CCNL1: variants seen among roughly 807,000 people sequenced by gnomAD.
CCNL1 encodes cyclin L1.
In CCNL1, 13 loss-of-function variants were observed where a neutral mutation model predicts 60.6. That is an observed-to-expected ratio of 0.21 (90% CI 0.14 to 0.34). The LOEUF (loss-of-function observed/expected upper bound fraction) is 0.34, where lower values mean the gene tolerates loss of function less well. Ranked by LOEUF, CCNL1 falls within the 10% of genes least tolerant of loss-of-function variation. The pLI is 1.00. For synonymous variants in CCNL1, 270 were observed against 244.3 expected (o/e 1.10, Z -0.98); for missense variants, 481 against 664.3 (o/e 0.72, Z 3.03).
chr3:157,149,987 G>GAAAAAAAAA lies in CCNL1; in HGVS notation c.880-11_880-10insTTTTTTTTT. On this transcript the variant is annotated splice_polypyrimidine_tract_variant and intron_variant, in intron 7 of 10. Coordinates refer to ENST00000295926, the MANE Select transcript of CCNL1 (RefSeq NM_020307.4). ...GTAATTCATAGTTTGGCTGTTGGAG[G>GAAAAAAAAA]AAAAAAAAGTTAGTATTTCTTCCTT... is the stretch of plus-strand genomic sequence containing the variant. 2 of 1,600,876 alleles carry GAAAAAAAAA rather than the reference G, an allele frequency of 1.2e-6. No individual in the cohort carries two copies. The highest frequency in any genetic ancestry group is 3.5e-5 in the Admixed American group (2 of 57,480).
At chr3:157,156,010 A>G (rs910204692) in intron 3 of CCNL1, among the ~76,000 whole-genome samples, 2 of 152,184 alleles carry the variant, frequency 1.3e-5, no homozygotes, top group Non-Finnish European at 1.5e-5. Flanking sequence ...GAAGTTTATT[A>G]TTATGGTTTG....
chr3:157,159,585 G>A (rs940090180), intron 1 of CCNL1, 106 bp from the exon 2 acceptor site: 1 of 1,145,024 alleles, frequency 8.7e-7, no homozygotes, highest in East Asian at 2.6e-5. Flanking sequence ...TCCCGCCGCC[G>A]CCGCCGCTGC....
intron 1 of CCNL1, 51 bp downstream of exon 1, chr3:157,159,741 G>A (rs12635088): frequency 0.25 from 350,518 of 1,416,122 alleles, 45,776 homozygotes; most frequent in Admixed American, 0.45. Context: ...CGGCGTAGGG[G>A]ACGGAGGAGA....
chr3:157,149,257 G>C, intron 10 of CCNL1, 30 bp downstream of exon 10: 2 of 1,503,736 alleles, frequency 1.3e-6, no homozygotes, highest in Non-Finnish European at 1.9e-6. Flanking sequence ...CTCCAAATAA[G>C]ACTGCTTCCC....
chr3:157,154,916 A>C (rs11915720), intron 3 of CCNL1, among the ~76,000 whole-genome samples: 8,322 of 151,220 alleles, frequency 0.055, 664 homozygotes, highest in African/African-American at 0.18. Flanking sequence ...AAAACAACCT[A>C]TCTCTCTCTC....
At chr3:157,146,980 A>AT (rs1737807274), downstream of CCNL1, among the ~76,000 whole-genome samples, 1 of 152,112 alleles carries the variant, frequency 6.6e-6, no homozygotes, top group South Asian at 2.1e-4. Context: ...TTGTGAAGCT[A>AT]TTTTTTCCAG....
downstream of CCNL1, among the ~76,000 whole-genome samples, chr3:157,145,194 T>C (rs1272291575): frequency 2.0e-5 from 3 of 151,972 alleles, no homozygotes; most frequent in African/African-American, 7.2e-5. Flanking sequence ...CCCAGCCCTT[T>C]GGGAGGCAAG....
At chr3:157,157,779 G>C (rs1381273650) in intron 3 of CCNL1, among the ~76,000 whole-genome samples, 1 of 152,108 alleles carries the variant, frequency 6.6e-6, no homozygotes, top group African/African-American at 2.4e-5. Context: ...TTTTAAAAAA[G>C]AACTGTCTGT....
chr3:157,160,037 G>T lies in CCNL1; in HGVS notation c.58C>A (p.Pro20Thr). ...TAAAAASSAA[P>T]SAGGSSSGTT... ...CCGGAGCTGGAGCCGCCCGCGCTTGGGGCGGCCGATGAGGCGGCTGCGGCA... is the reference window on the plus strand; with the variant it reads ...CCGGAGCTGGAGCCGCCCGCGCTTGTGGCGGCCGATGAGGCGGCTGCGGCA... Residue 20 changes from proline to threonine, a missense_variant, in exon 1 of 11, where the codon CCA (proline) becomes ACA (threonine). Physicochemically the swap from Pro to Thr is conservative, Grantham distance 38. Coordinates refer to ENST00000295926, the MANE Select transcript of CCNL1 (RefSeq NM_020307.4). 6.4e-7 allele frequency: 1 copy of T among 1,566,756 alleles called. No homozygotes were observed. Among genetic ancestry groups the T allele is most frequent in the East Asian group, 2.4e-5 (1 of 42,220 alleles).
chr3:157,149,193 C>G, intron 10 of CCNL1, 94 bp downstream of exon 10: 1 of 1,038,656 alleles, frequency 9.6e-7, no homozygotes, highest in Non-Finnish European at 1.4e-6. Context: ...TCTAACCTAA[C>G]TTTGAAAATA....
At chr3:157,158,318 A>C (rs1738784086) in intron 3 of CCNL1, among the ~76,000 whole-genome samples, 1 of 152,250 alleles carries the variant, frequency 6.6e-6, no homozygotes, top group Non-Finnish European at 1.5e-5. Context: ...CTTTGACTTC[A>C]AACTTCAAAC....
Position 157,149,987 on chromosome 3 carries a change from G to GA in CCNL1, c.880-11dup, listed in dbSNP as rs61216814. The stretch of plus-strand genomic sequence containing the variant: ...GTAATTCATAGTTTGGCTGTTGGAG[G>GA]AAAAAAAAGTTAGTATTTCTTCCTT... On this transcript the variant is annotated splice_polypyrimidine_tract_variant and intron_variant, in intron 7 of 10. Coordinates refer to ENST00000295926, the MANE Select transcript of CCNL1 (RefSeq NM_020307.4). 1,073 of 1,599,014 alleles carry GA rather than the reference G, an allele frequency of 6.7e-4. 10 individuals are homozygous for GA. In the African/African-American group the frequency reaches 0.01, roughly 15 times the overall value.
intron 4 of CCNL1, chr3:157,152,821 ATTAAGAT>A: frequency 7.7e-7 from 1 of 1,301,466 alleles, no homozygotes; most frequent in South Asian, 1.9e-5. Context: ...TGAGCACACA[ATTAAGAT>A]TTAAGATTTG....
At position 157,148,071 on chromosome 3, in the gene CCNL1, A is replaced by G; in HGVS notation, c.*170T>C. ...GCTAGGGCATTTTAATGTGCAAAAAAATTAACATAGTTCTTTTCAAAAGAA... is the reference window on the plus strand; with the variant it reads ...GCTAGGGCATTTTAATGTGCAAAAAGATTAACATAGTTCTTTTCAAAAGAA... On this transcript the variant is annotated 3_prime_UTR_variant, in exon 11 of 11. Transcript: ENST00000295926. The G allele has an allele frequency of 7.2e-7, 1 of 1,387,002 alleles. No individual in the cohort carries two copies. The highest frequency in any genetic ancestry group is 2.6e-5 in the East Asian group (1 of 38,668). 85.9% of individuals were successfully genotyped at this position (1,387,002 alleles called of 1,614,324 possible).
In CCNL1 at chr3:157,159,394, G is replaced by T. The variant is rs775833696; in HGVS notation, c.378+11C>A. 12 of 1,613,332 alleles carry T rather than the reference G, an allele frequency of 7.4e-6. No homozygotes were observed. The highest frequency in any genetic ancestry group is 1.0e-5 in the Non-Finnish European group (12 of 1,179,320). On this transcript the variant is annotated intron_variant, in intron 2 of 10. Transcript: ENST00000295926. ...GAAGAAATCCCTTTTACCCGCCTCC[G>T]CTGTGCTTACCTCGAAACTGTGTTT... is the stretch of plus-strand genomic sequence containing the variant.
rs531179729 is a variant in CCNL1 at position 157,152,749 on chromosome 3, ATC to A, written c.609+285_609+286del. 5.6e-4 allele frequency: 655 copies of A among 1,173,560 alleles called. 1 individual carries two copies. Among genetic ancestry groups the A allele is most frequent in the Non-Finnish European group, 6.6e-4 (629 of 947,586 alleles). 72.7% of individuals were successfully genotyped at this position (1,173,560 alleles called of 1,614,324 possible). A position where few individuals can be genotyped will look rare whatever the true frequency, so the allele number is the denominator to read the frequency against. On this transcript the variant is annotated intron_variant, in intron 4 of 10. Coordinates refer to ENST00000295926, the MANE Select transcript of CCNL1 (RefSeq NM_020307.4). Reference sequence around the variant, plus strand: ...TATTCCTTGGAATGAGGAACTTTACATCTCTGTTTTCTAGGTGGAAAAACTGG... The same window carrying A: ...TATTCCTTGGAATGAGGAACTTTACATCTGTTTTCTAGGTGGAAAAACTGG...
In CCNL1 at chr3:157,147,695, C is replaced by T. The variant is rs1737839312; in HGVS notation, c.*546G>A. 1.0e-6 allele frequency: 1 copy of T among 985,220 alleles called. No individual in the cohort carries two copies. The highest frequency in any genetic ancestry group is 1.2e-6 in the Non-Finnish European group (1 of 829,754). The allele number at this position is 985,220 out of a possible 1,614,324, so 61.0% of individuals were successfully genotyped here. A position where few individuals can be genotyped will look rare whatever the true frequency, so the allele number is the denominator to read the frequency against. ...CATTTTAATAATCTCAAACTACCAT[C>T]TAATGGAGGAAAGAATAAGTTTGTC... On this transcript the variant is annotated 3_prime_UTR_variant, in exon 11 of 11. Coordinates refer to ENST00000295926, the MANE Select transcript of CCNL1 (RefSeq NM_020307.4).
At chr3:157,156,794 G>A (rs1326630660) in intron 3 of CCNL1, 3 of 551,854 alleles carry the variant, frequency 5.4e-6, no homozygotes, top group Non-Finnish European at 8.3e-6. Flanking sequence ...CCTAACCAAT[G>A]TATAATACTG....
chr3:157,156,869 G>GGT, intron 3 of CCNL1: 1 of 1,215,806 alleles, frequency 8.2e-7, no homozygotes, highest in Non-Finnish European at 1.1e-6. Context: ...CTAATAACTT[G>GGT]GACAGCAAAG....
Sources: gnomAD v4.1 joint callset for allele counts (sites outside exome capture counted in the v4.1 genomes callset) on GRCh38, gnomAD v4.1.1 for gene constraint, MANE v1.5 for transcripts, NCBI Gene and HGNC (gene_info 2026-07-23, HGNC 2026-07-21) for gene names.